FGFR3: variants seen among roughly 807,000 people sequenced by gnomAD.
FGFR3 encodes the protein fibroblast growth factor receptor 3.
FGFR3 carries 25 observed loss-of-function variants against 82.9 expected under a neutral mutation model. The observed-to-expected ratio is 0.30, with a 90% CI of 0.22 to 0.42. FGFR3 has a LOEUF of 0.42. Among genes scored for constraint, FGFR3 ranks in the 10% least tolerant of loss-of-function variants. The pLI, the probability that FGFR3 is intolerant of heterozygous loss-of-function variation, is 1.00. For synonymous variants in FGFR3, 620 were observed against 516.0 expected (o/e 1.20, Z -2.73); for missense variants, 1,026 against 1,161.0 (o/e 0.88, Z 1.69).
chr4:1,805,401 G>T lies in FGFR3; in HGVS notation c.1459G>T (p.Val487Phe). The T allele has an allele frequency of 1.9e-6, 3 of 1,612,450 alleles. No homozygotes were observed. The highest frequency in any genetic ancestry group is 1.7e-6 in the Non-Finnish European group (2 of 1,179,766). The change falls in exon 11 of 18, where the codon GTC becomes TTC. Residue 487 changes from valine (V) to phenylalanine (F), a missense_variant. By Grantham distance (50) the Val-to-Phe change is conservative (BLOSUM62 -1). This residue lies in a region of FGFR3 where 22 missense variants were observed against 52.8 expected (regional missense o/e 0.42). Transcript: ENST00000440486. ...PLGEGCFGQVVMAEAIGIDKD... is the reference protein window; with the variant it reads ...PLGEGCFGQVFMAEAIGIDKD... ...TGGGGAGGGCTGCTTCGGCCAGGTG[G>T]TCATGGCGGAGGCCATCGGCATTGA...
intron 2 of FGFR3, among the ~76,000 whole-genome samples, chr4:1,796,630 C>G (rs539955260): frequency 5.3e-5 from 8 of 152,302 alleles, no homozygotes; most frequent in Non-Finnish European, 1.2e-4. Context: ...TGGAGCAAGG[C>G]TCCCCCATCC....
rs1243401432 is a variant in FGFR3, at chr4:1,799,415, C to T, written c.271C>T (p.Pro91Ser). ...GCCCTCGGAGCGTGTCCTGGTGGGGCCCCAGCGGCTGCAGGTGCTGAATGC... is the reference window on the plus strand; with the variant it reads ...GCCCTCGGAGCGTGTCCTGGTGGGGTCCCAGCGGCTGCAGGTGCTGAATGC... ...LVPSERVLVG[P>S]QRLQVLNASH... The change falls in exon 3 of 18, where the codon CCC becomes TCC. Residue 91 changes from proline (P) to serine (S), a missense_variant. Pro to Ser is a moderately conservative substitution (Grantham distance 74). This residue lies in a region of FGFR3 where 226 missense variants were observed against 222.0 expected (regional missense o/e 1.02). Transcript: ENST00000440486. 1 of 1,611,726 alleles carries T rather than the reference C, an allele frequency of 6.2e-7. No individual in the cohort carries two copies. Among genetic ancestry groups the T allele is most frequent in the South Asian group, 1.1e-5 (1 of 91,012 alleles).
chr4:1,800,550 C>T (rs1005381206), intron 4 of FGFR3, among the ~76,000 whole-genome samples: 3 of 151,872 alleles, frequency 2.0e-5, no homozygotes, highest in African/African-American at 7.3e-5. Flanking sequence ...TGGGGGAACT[C>T]ACCCTGGGGG....
chr4:1,793,923 C>G lies in FGFR3; in HGVS notation c.-12C>G. The G allele has an allele frequency of 8.0e-7, 1 of 1,248,424 alleles. No individual in the cohort carries two copies. The highest frequency in any genetic ancestry group is 1.0e-6 in the Non-Finnish European group (1 of 977,942). The allele number at this position is 1,248,424 out of a possible 1,614,324, so 77.3% of individuals were successfully genotyped here. ...CGCGCTGCCTGAGGACGCCGCGGCC[C>G]CCGCCCCCGCCATGGGCGCCCCTGC... is the stretch of plus-strand genomic sequence containing the variant. On this transcript the variant is annotated 5_prime_UTR_variant, in exon 2 of 18. Transcript: ENST00000440486.
chr4:1,801,771 G>A (rs2108782621), intron 6 of FGFR3, 28 bp downstream of exon 6: 1 of 1,592,422 alleles, frequency 6.3e-7, no homozygotes, highest in Non-Finnish European at 8.5e-7. Flanking sequence ...GCGCGGGGGT[G>A]GGGGCGGCAG....
Position 1,799,323 on chromosome 4 carries a change from G to C in FGFR3, c.179G>C (p.Ser60Thr), listed in dbSNP as rs927310452. The C allele has an allele frequency of 6.2e-7, 1 of 1,612,668 alleles. No individual in the cohort carries two copies. Among genetic ancestry groups the C allele is most frequent in the Non-Finnish European group, 8.5e-7 (1 of 1,179,944 alleles). Residue 60 changes from serine (S) to threonine (T), a missense_variant, in exon 3 of 18, where the codon AGC becomes ACC. Ser to Thr is a moderately conservative substitution (Grantham distance 58, BLOSUM62 1). Around this residue, in one of 9 missense-constraint regions of FGFR3, gnomAD observed 226 missense variants for 222.0 expected, o/e 1.02. Coordinates refer to ENST00000440486, the MANE Select transcript of FGFR3 (RefSeq NM_000142.5). ...GGCAGCGGGGATGCTGTGGAGCTGAGCTGTCCCCCGCCCGGGGGTGGTCCC... is the reference window on the plus strand; with the variant it reads ...GGCAGCGGGGATGCTGTGGAGCTGACCTGTCCCCCGCCCGGGGGTGGTCCC... ...VFGSGDAVEL[S>T]CPPPGGGPMG... is the part of the protein sequence containing the mutation.
Position 1,805,564 on chromosome 4 carries a change from G to A in FGFR3, c.1540G>A (p.Ala514Thr). The A allele has an allele frequency of 6.2e-7, 1 of 1,613,152 alleles. No individual in the cohort carries two copies. The highest frequency in any genetic ancestry group is 8.5e-7 in the Non-Finnish European group (1 of 1,179,826). Residue 514 changes from alanine (A) to threonine (T), a missense_variant, in exon 12 of 18, where the codon GCC becomes ACC. Coordinates refer to ENST00000440486, the MANE Select transcript of FGFR3 (RefSeq NM_000142.5). Reference protein sequence around the residue: ...TVAVKMLKDDATDKDLSDLVS... With the variant: ...TVAVKMLKDDTTDKDLSDLVS... ...GCCCCCCGCTCCGTGCACAGACGATGCCACTGACAAGGACCTGTCGGACCT... is the reference window on the plus strand; with the variant it reads ...GCCCCCCGCTCCGTGCACAGACGATACCACTGACAAGGACCTGTCGGACCT...
chr4:1,795,299 T>C (rs1455306558), intron 2 of FGFR3, among the ~76,000 whole-genome samples: 1 of 151,760 alleles, frequency 6.6e-6, no homozygotes, highest in African/African-American at 2.4e-5. Context: ...GATAAAGATA[T>C]TACTCCCTAC....
At chr4:1,799,620 A>G (rs1013070653) in intron 3 of FGFR3, 97 bp downstream of exon 3, 7 of 1,550,964 alleles carry the variant, frequency 4.5e-6, no homozygotes, top group Non-Finnish European at 6.1e-6. Flanking sequence ...CTCTCTGGTC[A>G]TTGGTGGAGA....
chr4:1,799,612 C>G, intron 3 of FGFR3, 89 bp downstream of exon 3: 2 of 1,550,382 alleles, frequency 1.3e-6, no homozygotes, highest in Non-Finnish European at 1.7e-6. Context: ...CTGGGGGTCT[C>G]TCTGGTCATT....
chr4:1,802,783 C>T (rs2108788599), intron 7 of FGFR3: 3 of 1,225,818 alleles, frequency 2.4e-6, no homozygotes, highest in Non-Finnish European at 3.3e-6. Flanking sequence ...GCCTCCACGC[C>T]TCCTCCAGGC....
At chr4:1,799,726 G>T in intron 3 of FGFR3, 21 bp from the exon 4 acceptor site, 1 of 1,612,534 alleles carries the variant, frequency 6.2e-7, no homozygotes, top group Non-Finnish European at 8.5e-7. Context: ...GGCATTGGTT[G>T]CGGCCATCTC....
At position 1,801,691 on chromosome 4, in the gene FGFR3, C is replaced by A; in HGVS notation, c.687C>A (p.Val229=). Residue 229 remains valine, a synonymous_variant, in exon 6 of 18, where the codon GTC becomes GTA. Transcript: ENST00000440486. ...CGGACCGCGGCAACTACACCTGCGT[C>A]GTGGAGAACAAGTTTGGCAGCATCC... The part of the protein sequence containing the change: ...VPSDRGNYTC[V]VENKFGSIRQ... The A allele has an allele frequency of 6.2e-7, 1 of 1,610,798 alleles. No individual in the cohort carries two copies. The highest frequency in any genetic ancestry group is 1.1e-5 in the South Asian group (1 of 90,764).
At chr4:1,802,955 C>T (rs1049449206) in intron 7 of FGFR3, 18 of 1,603,052 alleles carry the variant, frequency 1.1e-5, no homozygotes, top group Non-Finnish European at 1.5e-5. Flanking sequence ...TGCGCCTCCG[C>T]CTGGCCAATG....
In FGFR3 at chr4:1,806,679, G is replaced by A. The variant is rs1721962901; in HGVS notation, c.2164G>A (p.Asp722Asn). The change falls in exon 16 of 18, where the codon GAC (aspartate) becomes AAC (asparagine). Residue 722 changes from aspartate to asparagine, a missense_variant. Transcript: ENST00000440486. ...RMDKPANCTH[D>N]LYMIMRECWH... ...GGACAAGCCCGCCAACTGCACACAC[G>A]ACCTGTGAGTGGCATCCCTGGCCCT... is the stretch of plus-strand genomic sequence containing the variant. 1.2e-6 allele frequency: 2 copies of A among 1,611,564 alleles called. No homozygotes were observed. The highest frequency in any genetic ancestry group is 1.8e-4 in the Middle Eastern group (1 of 5,672).
Position 1,804,457 on chromosome 4 carries a change from C to A in FGFR3, c.1203C>A (p.Pro401=), listed in dbSNP as rs754621427. 5.0e-6 allele frequency: 8 copies of A among 1,613,110 alleles called. No homozygotes were observed. The East Asian group carries it at 1.8e-4, about 36-fold the overall frequency. Residue 401 remains proline (P), a synonymous_variant, in exon 9 of 18, where the codon CCC becomes CCA. Coordinates refer to ENST00000440486, the MANE Select transcript of FGFR3 (RefSeq NM_000142.5). ...TGACGCTCTGCCGCCTGCGCAGCCC[C>A]CCCAAGAAAGGCCTGGGCTCCCCCA... ...AAVTLCRLRS[P]PKKGLGSPTV...
Position 1,804,878 on chromosome 4 carries a change from G to C in FGFR3, c.1321G>C (p.Ala441Pro). ...CTCCAACACACCACTGGTGCGCATC[G>C]CAAGGCTGTCCTCAGGGGAGGGCCC... Reference protein sequence around the residue: ...MSSNTPLVRIARLSSGEGPTL... With the variant: ...MSSNTPLVRIPRLSSGEGPTL... The change falls in exon 10 of 18, where the codon GCA becomes CCA. Residue 441 changes from alanine (A) to proline (P), a missense_variant. Coordinates refer to ENST00000440486, the MANE Select transcript of FGFR3 (RefSeq NM_000142.5). 1 of 1,550,108 alleles carries C rather than the reference G, an allele frequency of 6.5e-7. No individual in the cohort carries two copies. The highest frequency in any genetic ancestry group is 8.7e-7 in the Non-Finnish European group (1 of 1,146,940).
At chr4:1,795,524 G>A (rs1720400326) in intron 2 of FGFR3, among the ~76,000 whole-genome samples, 1 of 152,300 alleles carries the variant, frequency 6.6e-6, no homozygotes, top group African/African-American at 2.4e-5. Context: ...TAACAAGATG[G>A]GCCGGGCAGT....
Position 1,808,228 on chromosome 4 carries a change from G to A in FGFR3, c.*966G>A, listed in dbSNP as rs1425918558. 1.7e-5 allele frequency: 4 copies of A among 232,532 alleles called. No homozygotes were observed. Among genetic ancestry groups the A allele is most frequent in the African/African-American group, 6.6e-5 (3 of 45,264 alleles). The allele number at this position is 232,532 out of a possible 1,614,324, so 14.4% of individuals were successfully genotyped here. On this transcript the variant is annotated 3_prime_UTR_variant, in exon 18 of 18. Transcript: ENST00000440486. ...ATTGACAACCGAGAAGGTTTATCCC[G>A]CCGATAGAGGGACGGCCAAGAATGT...
Sources: allele counts gnomAD v4.1 joint callset (sites outside exome capture counted in the v4.1 genomes callset), GRCh38; gene constraint gnomAD v4.1.1; regional missense constraint gnomAD v4.1.1; transcripts MANE v1.5; gene names NCBI Gene and HGNC (gene_info 2026-07-23, HGNC 2026-07-21).